The following PLPPR1 variants were observed in gnomAD, a reference collection of about 807,000 sequenced individuals.
PLPPR1 encodes the protein phospholipid phosphatase related 1.
In PLPPR1, 10 loss-of-function variants were observed where a neutral mutation model predicts 33.1. That is an observed-to-expected ratio of 0.30 (90% CI 0.19 to 0.51). The LOEUF (loss-of-function observed/expected upper bound fraction) is 0.51, where lower values mean the gene tolerates loss of function less well. PLPPR1 is among the 20% of genes least tolerant of loss of function. PLPPR1 has a pLI of 0.97. For missense variants in PLPPR1, 304 were observed against 408.1 expected (o/e 0.74, Z 2.20); for synonymous variants, 151 against 151.0 (o/e 1.00, Z 0.00).
intron 2 of PLPPR1, among the ~76,000 whole-genome samples, chr9:101,243,142 T>TATGA (rs1392964563): frequency 1.3e-5 from 2 of 152,020 alleles, no homozygotes; most frequent in African/African-American, 4.8e-5. Flanking sequence ...AGTAGAAATG[T>TATGA]ATGATTCATC....
intron 2 of PLPPR1, among the ~76,000 whole-genome samples, chr9:101,199,744 C>T (rs548728329): frequency 1.3e-5 from 2 of 152,276 alleles, no homozygotes; most frequent in South Asian, 2.1e-4. Context: ...ACTAGTTAGC[C>T]TGTATGGAGA....
rs144761728 is a variant in PLPPR1, at chr9:101,067,773, T to C, written c.-46+38671T>C. Among the ~76,000 whole-genome samples the C allele has an allele frequency of 3.0e-3, 462 of 152,128 alleles. 3 individuals are homozygous for C. The highest frequency in any genetic ancestry group is 2.8e-3 in the Non-Finnish European group (187 of 67,948). On this transcript the variant is annotated intron_variant, in intron 1 of 7. Coordinates refer to ENST00000374874, the MANE Select transcript of PLPPR1 (RefSeq NM_207299.2). ...ACAGGGTAGACCAAGCATTGTTCTG[T>C]TAGGGAGTTGAGTGTTGTGACTAAG...
At chr9:101,139,614 A>G (rs1434230698) in intron 1 of PLPPR1, among the ~76,000 whole-genome samples, 2 of 152,170 alleles carry the variant, frequency 1.3e-5, no homozygotes, top group African/African-American at 4.8e-5. Context: ...TGATTGCAAA[A>G]AGAATGAATC....
At chr9:101,085,315 A>G (rs1371006555) in intron 1 of PLPPR1, among the ~76,000 whole-genome samples, 2 of 152,208 alleles carry the variant, frequency 1.3e-5, no homozygotes, top group Admixed American at 6.5e-5. Context: ...ACTCTAGAAT[A>G]TCTTTCCAAG....
intron 1 of PLPPR1, among the ~76,000 whole-genome samples, chr9:101,155,186 G>A (rs1831662601): frequency 6.6e-6 from 1 of 152,024 alleles, no homozygotes; most frequent in Non-Finnish European, 1.5e-5. Context: ...ATTTGAGTAG[G>A]GTGACTGACA....
chr9:101,200,174 T>C (rs948687381), intron 2 of PLPPR1, among the ~76,000 whole-genome samples: 1 of 151,544 alleles, frequency 6.6e-6, no homozygotes, highest in African/African-American at 2.4e-5. Context: ...GAAGGAGGGG[T>C]GATGGTAGAT....
intron 2 of PLPPR1, among the ~76,000 whole-genome samples, chr9:101,252,466 T>C (rs1165566287): frequency 1.3e-5 from 2 of 152,120 alleles, no homozygotes; most frequent in Admixed American, 1.3e-4. Context: ...TTATGCAGGA[T>C]CCTTAAATGT....
intron 4 of PLPPR1, among the ~76,000 whole-genome samples, chr9:101,303,237 G>A (rs1451959756): frequency 1.3e-5 from 2 of 152,008 alleles, no homozygotes; most frequent in African/African-American, 4.8e-5. Flanking sequence ...ACCCACCTCT[G>A]CCTCCCAAAG....
intron 2 of PLPPR1, among the ~76,000 whole-genome samples, chr9:101,256,145 T>C (rs1827798199): frequency 6.6e-6 from 1 of 152,204 alleles, no homozygotes; most frequent in Non-Finnish European, 1.5e-5. Flanking sequence ...GCAGCAACTC[T>C]TGTATTATTA....
At chr9:101,152,886 T>C (rs1831610054) in intron 1 of PLPPR1, among the ~76,000 whole-genome samples, 1 of 152,350 alleles carries the variant, frequency 6.6e-6, no homozygotes, top group Middle Eastern at 3.4e-3. Context: ...ATGCGGGCTC[T>C]TTTTTGGTTC....
intron 1 of PLPPR1, among the ~76,000 whole-genome samples, chr9:101,136,251 G>T (rs1831375885): frequency 2.0e-5 from 3 of 152,126 alleles, no homozygotes; most frequent in African/African-American, 7.2e-5. Context: ...TATACTACTT[G>T]TATGTTGCAA....
chr9:101,286,202 G>C lies in PLPPR1; in HGVS notation c.351G>C (p.Leu117=). ...KTILTGECCY[L]NPLLRRIIRF... ...TTCTGACCGGAGAATGCTGTTACCT[G>C]AACCCCTTACTTCGAAGGATCATAA... Residue 117 remains leucine, a synonymous_variant, in exon 4 of 8, where the codon CTG becomes CTC. Transcript: ENST00000374874. 3 of 1,613,854 alleles carry C rather than the reference G, an allele frequency of 1.9e-6. No homozygotes were observed. Among genetic ancestry groups the C allele is most frequent in the Non-Finnish European group, 2.5e-6 (3 of 1,179,804 alleles).
intron 1 of PLPPR1, among the ~76,000 whole-genome samples, chr9:101,177,694 C>A (rs1442990014): frequency 6.6e-6 from 1 of 152,102 alleles, no homozygotes; most frequent in Non-Finnish European, 1.5e-5. Context: ...GTTTTTATAA[C>A]CTATTAATGA....
intron 1 of PLPPR1, among the ~76,000 whole-genome samples, chr9:101,161,215 C>T (rs1360829521): frequency 6.6e-6 from 1 of 152,084 alleles, no homozygotes; most frequent in African/African-American, 2.4e-5. Flanking sequence ...AATATAGGCT[C>T]AATATATAGT....
intron 1 of PLPPR1, among the ~76,000 whole-genome samples, chr9:101,180,771 G>A (rs1201345186): frequency 6.6e-6 from 1 of 151,698 alleles, no homozygotes; most frequent in Non-Finnish European, 1.5e-5. Context: ...CATGAGACCC[G>A]AAACTGTAAA....
intron 1 of PLPPR1, among the ~76,000 whole-genome samples, chr9:101,051,055 T>A (rs1830216063): frequency 6.6e-6 from 1 of 152,170 alleles, no homozygotes; most frequent in South Asian, 2.1e-4. Context: ...TACTTCTTAT[T>A]TTCAGTCTAC....
intron 1 of PLPPR1, among the ~76,000 whole-genome samples, chr9:101,120,204 T>C (rs1194202588): frequency 2.6e-5 from 4 of 152,214 alleles, no homozygotes; most frequent in Non-Finnish European, 4.4e-5. Context: ...TCTCTCACAA[T>C]TTATTTTCCA....
intron 4 of PLPPR1, among the ~76,000 whole-genome samples, chr9:101,305,218 T>C (rs370034022): frequency 5.9e-5 from 9 of 151,298 alleles, no homozygotes; most frequent in South Asian, 2.1e-4. Context: ...TGTGTGTGTG[T>C]GCGTGCATGT....
At chr9:101,265,600 T>G (rs544195411) in intron 2 of PLPPR1, among the ~76,000 whole-genome samples, 28 of 152,232 alleles carry the variant, frequency 1.8e-4, no homozygotes, top group Admixed American at 1.2e-3. Flanking sequence ...GCTAATTGTG[T>G]GGCATCATCA....
Sources: gnomAD v4.1 joint callset for allele counts (sites outside exome capture counted in the v4.1 genomes callset) on GRCh38, gnomAD v4.1.1 for gene constraint, MANE v1.5 for transcripts, NCBI Gene and HGNC (gene_info 2026-07-23, HGNC 2026-07-21) for gene names.